The following PCDH7 variants were observed in gnomAD, a reference collection of about 807,000 sequenced individuals.
PCDH7 encodes protocadherin-7.
In PCDH7, 17 loss-of-function variants were observed where a neutral mutation model predicts 58.9. That is an observed-to-expected ratio of 0.29 (90% confidence interval 0.20 to 0.43). The LOEUF (loss-of-function observed/expected upper bound fraction) is 0.43. Among genes scored for constraint, PCDH7 ranks in the 20% least tolerant of loss-of-function variants. The pLI is 1.00. For missense variants in PCDH7, 1,274 were observed against 1,441.0 expected (o/e 0.88, Z 1.88); for synonymous variants, 664 against 616.4 (o/e 1.08, Z -1.14).
chr4:31,125,095 C>T (rs1209408628), intron 3 of PCDH7, among the ~76,000 whole-genome samples: 2 of 152,128 alleles, frequency 1.3e-5, no homozygotes, highest in Admixed American at 1.3e-4. Context: ...CTGAATATGG[C>T]TTTAATGATA....
chr4:31,022,324 C>G (rs1754093993), intron 3 of PCDH7, among the ~76,000 whole-genome samples: 3 of 152,132 alleles, frequency 2.0e-5, no homozygotes, highest in Admixed American at 6.6e-5. Flanking sequence ...ATGATTATTT[C>G]TAACGGTAGA....
At chr4:30,787,893 T>C (rs1723619206) in intron 1 of PCDH7, among the ~76,000 whole-genome samples, 2 of 152,122 alleles carry the variant, frequency 1.3e-5, no homozygotes, top group Non-Finnish European at 2.9e-5. Flanking sequence ...GTTATCATTA[T>C]TAAAGATTAT....
intron 3 of PCDH7, among the ~76,000 whole-genome samples, chr4:30,983,295 A>C (rs560596884): frequency 2.7e-4 from 41 of 152,250 alleles, no homozygotes; most frequent in Admixed American, 1.4e-3. Flanking sequence ...TTTTCTTTTT[A>C]ATGGGAAAAA....
intron 3 of PCDH7, among the ~76,000 whole-genome samples, chr4:31,086,290 G>A (rs2109277509): frequency 1.3e-5 from 2 of 152,198 alleles, no homozygotes; most frequent in Admixed American, 1.3e-4. Context: ...TAAAATAGCT[G>A]CAAAAATCCT....
At chr4:30,866,621 C>A (rs1578101464) in intron 1 of PCDH7, among the ~76,000 whole-genome samples, 2 of 151,656 alleles carry the variant, frequency 1.3e-5, no homozygotes, top group South Asian at 4.2e-4. Flanking sequence ...TTTGCTTACA[C>A]AGCTTTGCTC....
At chr4:31,054,260 C>G (rs939910029) in intron 3 of PCDH7, among the ~76,000 whole-genome samples, 1 of 152,190 alleles carries the variant, frequency 6.6e-6, no homozygotes, top group African/African-American at 2.4e-5. Context: ...GCCACCACGT[C>G]CGGCCCTTGG....
intron 3 of PCDH7, among the ~76,000 whole-genome samples, chr4:31,004,100 A>G (rs1279344056): frequency 6.6e-6 from 1 of 152,172 alleles, no homozygotes; most frequent in African/African-American, 2.4e-5. Context: ...CTTCACAGCT[A>G]TTGTGACCAC....
intron 1 of PCDH7, among the ~76,000 whole-genome samples, chr4:30,816,787 G>A (rs1727730120): frequency 6.6e-6 from 1 of 152,022 alleles, no homozygotes; most frequent in Non-Finnish European, 1.5e-5. Context: ...AATAATAATA[G>A]TAATAATAAT....
chr4:30,956,176 TGCACTCCAGCCTGG>T (rs1296813344), intron 3 of PCDH7, among the ~76,000 whole-genome samples: 16 of 151,326 alleles, frequency 1.1e-4, no homozygotes, highest in African/African-American at 1.9e-4. Flanking sequence ...ATCATGCCAC[TGCACTCCAGCCTGG>T]GCACTCCAGC....
intron 1 of PCDH7, among the ~76,000 whole-genome samples, chr4:30,779,892 A>T: frequency 6.6e-6 from 1 of 152,094 alleles, no homozygotes; most frequent in East Asian, 1.9e-4. Flanking sequence ...TATTCACTTC[A>T]TCTTCTCATT....
intron 1 of PCDH7, among the ~76,000 whole-genome samples, chr4:30,883,254 T>C (rs1381738637): frequency 6.6e-6 from 1 of 152,226 alleles, no homozygotes; most frequent in African/African-American, 2.4e-5. Flanking sequence ...ATTTAATTGA[T>C]ATGTCAACTC....
intron 1 of PCDH7, among the ~76,000 whole-genome samples, chr4:30,751,846 C>T (rs1718565735): frequency 6.6e-6 from 1 of 152,082 alleles, no homozygotes; most frequent in South Asian, 2.1e-4. Context: ...CCCCTTAGTC[C>T]TAACAAATAT....
intron 1 of PCDH7, among the ~76,000 whole-genome samples, chr4:30,888,299 C>G (rs755673529): frequency 7.9e-5 from 12 of 152,154 alleles, no homozygotes; most frequent in Admixed American, 2.0e-4. Context: ...CATACACACA[C>G]ACACAGAATC....
intron 1 of PCDH7, among the ~76,000 whole-genome samples, chr4:30,833,010 C>G (rs1271197385): frequency 6.6e-6 from 1 of 152,034 alleles, no homozygotes; most frequent in Admixed American, 6.6e-5. Context: ...AAAGTATAGA[C>G]TCTGCTGGCT....
intron 1 of PCDH7, among the ~76,000 whole-genome samples, chr4:30,815,644 A>G (rs1158145137): frequency 1.3e-5 from 2 of 152,184 alleles, no homozygotes; most frequent in East Asian, 1.9e-4. Context: ...ATCCATTACC[A>G]GTTGAGCGTT....
intron 2 of PCDH7, among the ~76,000 whole-genome samples, chr4:30,936,005 T>G (rs1266570609): frequency 6.6e-6 from 1 of 151,954 alleles, no homozygotes; most frequent in East Asian, 1.9e-4. Context: ...TCACTCCCTC[T>G]TATAAATACA....
intron 3 of PCDH7, among the ~76,000 whole-genome samples, chr4:31,122,759 A>G (rs544389552): frequency 1.7e-4 from 26 of 151,794 alleles, no homozygotes; most frequent in Non-Finnish European, 3.1e-4. Context: ...TTTAAGCAGT[A>G]AAAAAAATAT....
At chr4:31,059,746 A>G (rs1273792006) in intron 3 of PCDH7, among the ~76,000 whole-genome samples, 2 of 151,892 alleles carry the variant, frequency 1.3e-5, no homozygotes, top group African/African-American at 4.8e-5. Context: ...ATAAATTACA[A>G]TCAAGAGAAT....
chr4:30,759,034 C>T (rs1251669392), intron 1 of PCDH7, among the ~76,000 whole-genome samples: 1 of 151,244 alleles, frequency 6.6e-6, no homozygotes, highest in Non-Finnish European at 1.5e-5. Flanking sequence ...CTCCGCCTCC[C>T]AGGTTCAAGT....
Sources: allele counts gnomAD v4.1 joint callset (sites outside exome capture counted in the v4.1 genomes callset), GRCh38; gene constraint gnomAD v4.1.1; transcripts MANE v1.5; gene names NCBI Gene and HGNC (gene_info 2026-07-23, HGNC 2026-07-21).